The following KCNAB1 variants were observed in gnomAD, a reference collection of about 807,000 sequenced individuals.
The protein encoded by KCNAB1 is potassium voltage-gated channel subfamily A regulatory beta subunit 1.
Under a neutral mutation model 64.6 loss-of-function variants are expected in KCNAB1, and 35 were observed. That is an observed-to-expected ratio of 0.54 (90% confidence interval 0.41 to 0.72). KCNAB1 has a LOEUF of 0.72. Ranked by LOEUF, KCNAB1 falls within the 30% of genes least tolerant of loss-of-function variation. KCNAB1 has a pLI of 0.00. For synonymous variants in KCNAB1, 177 were observed against 183.8 expected, an observed-to-expected ratio of 0.96 and a Z score of 0.30; for missense variants, 401 against 512.9, an observed-to-expected ratio of 0.78 and a Z score of 2.11.
intron 1 of KCNAB1, among the ~76,000 whole-genome samples, chr3:156,387,664 T>C (rs1712716576): frequency 6.6e-6 from 1 of 152,150 alleles, no homozygotes; most frequent in East Asian, 1.9e-4. Flanking sequence ...CCAGTGTAAG[T>C]AGAAAAATAT....
chr3:156,247,414 A>G (rs1717523058), intron 1 of KCNAB1, among the ~76,000 whole-genome samples: 1 of 152,086 alleles, frequency 6.6e-6, no homozygotes, highest in South Asian at 2.1e-4. Flanking sequence ...CCCAACCAAT[A>G]TGTTCACTTG....
chr3:156,333,166 A>G (rs777805915), intron 1 of KCNAB1, among the ~76,000 whole-genome samples: 14 of 152,182 alleles, frequency 9.2e-5, no homozygotes, highest in Non-Finnish European at 1.5e-4. Flanking sequence ...ATGCACACAC[A>G]GTGGGACAAA....
intron 1 of KCNAB1, chr3:156,176,621 T>C (rs1173032512): frequency 1.1e-6 from 1 of 931,358 alleles, no homozygotes; most frequent in Non-Finnish European, 1.8e-6. Context: ...ACAGTCACCA[T>C]AGACATTCCA....
Position 156,423,701 on chromosome 3 carries a change from G to T in KCNAB1, c.319+2042G>T, listed in dbSNP as rs150176681. Among the ~76,000 whole-genome samples the T allele has an allele frequency of 6.2e-3, 951 of 152,174 alleles. 13 individuals are homozygous for T. The highest frequency in any genetic ancestry group is 0.022 in the African/African-American group (927 of 41,516). On this transcript the variant is annotated intron_variant, in intron 2 of 13. Coordinates refer to ENST00000490337, the MANE Select transcript of KCNAB1 (RefSeq NM_172160.3). ...GCTTTGCAAGTTCAGGTGGGTTTTT[G>T]TTTTTTTACATAAGATGATAAAAAG...
At chr3:156,221,545 A>C (rs901212050) in intron 1 of KCNAB1, among the ~76,000 whole-genome samples, 2 of 152,092 alleles carry the variant, frequency 1.3e-5, no homozygotes, top group Admixed American at 1.3e-4. Flanking sequence ...TTGAGGGCTG[A>C]GGCGGGTGGA....
At chr3:156,489,058 A>T (rs1382917837) in intron 8 of KCNAB1, among the ~76,000 whole-genome samples, 1 of 152,098 alleles carries the variant, frequency 6.6e-6, no homozygotes, top group African/African-American at 2.4e-5. Context: ...AGTCATCTTG[A>T]GTTTGAAATG....
chr3:156,517,501 T>A (rs935465349), intron 11 of KCNAB1, among the ~76,000 whole-genome samples: 3 of 152,158 alleles, frequency 2.0e-5, no homozygotes, highest in Non-Finnish European at 4.4e-5. Context: ...GAAACAAGTC[T>A]AAACAAGTCA....
rs886349474 is a variant in KCNAB1 at position 156,452,604 on chromosome 3, A to G, written c.320-295A>G. Among the ~76,000 whole-genome samples, 17 of 152,214 alleles carry G rather than the reference A, an allele frequency of 1.1e-4. No individual in the cohort carries two copies. The highest frequency in any genetic ancestry group is 9.8e-4 in the Admixed American group (15 of 15,282). On this transcript the variant is annotated intron_variant, in intron 2 of 13. Coordinates refer to ENST00000490337, the MANE Select transcript of KCNAB1 (RefSeq NM_172160.3). This position sits in a 1 kb window ranked among gnomAD's most constrained non-coding sequence, Gnocchi z 4.6. Reference sequence around the variant, plus strand: ...CTTGTACACTAGCATCCATGGTCCAATAGCAGAAGGGAAAGCATCTTCTAG... The same window carrying G: ...CTTGTACACTAGCATCCATGGTCCAGTAGCAGAAGGGAAAGCATCTTCTAG...
intron 1 of KCNAB1, among the ~76,000 whole-genome samples, chr3:156,284,197 C>G (rs1220135596): frequency 1.3e-5 from 2 of 152,142 alleles, no homozygotes; most frequent in African/African-American, 2.4e-5. Flanking sequence ...ACAGGACCCT[C>G]AGCTGCAGGT....
intron 1 of KCNAB1, among the ~76,000 whole-genome samples, chr3:156,144,777 A>G (rs1374871237): frequency 1.3e-5 from 2 of 152,200 alleles, no homozygotes; most frequent in South Asian, 2.1e-4. Flanking sequence ...TGTCTTTGTC[A>G]TAGGATGGGT....
chr3:156,162,330 A>T (rs1326357818), intron 1 of KCNAB1, among the ~76,000 whole-genome samples: 1 of 152,080 alleles, frequency 6.6e-6, no homozygotes, highest in Non-Finnish European at 1.5e-5. Context: ...TTTGTGCATT[A>T]TGTGAATCTG....
At chr3:156,372,521 G>T (rs189350796) in intron 1 of KCNAB1, among the ~76,000 whole-genome samples, 2 of 152,302 alleles carry the variant, frequency 1.3e-5, no homozygotes, top group African/African-American at 4.8e-5. Context: ...TGCTTTTCTA[G>T]CAAGCTCCCA....
intron 1 of KCNAB1, among the ~76,000 whole-genome samples, chr3:156,419,361 C>T (rs753994646): frequency 5.3e-5 from 8 of 151,770 alleles, no homozygotes; most frequent in Non-Finnish European, 8.8e-5. Context: ...ATTAGCCAGG[C>T]GTGGTGGGGG....
intron 2 of KCNAB1, among the ~76,000 whole-genome samples, chr3:156,431,289 T>A (rs1328397167): frequency 6.6e-6 from 1 of 152,232 alleles, no homozygotes; most frequent in Non-Finnish European, 1.5e-5. Flanking sequence ...GCATTCTACA[T>A]TTATATAAAG....
chr3:156,388,556 C>T (rs1024254313), intron 1 of KCNAB1, among the ~76,000 whole-genome samples: 52 of 152,200 alleles, frequency 3.4e-4, no homozygotes, highest in African/African-American at 1.2e-3. Context: ...GGTGTGAGCC[C>T]AACCAAGACT....
chr3:156,513,087 C>G (rs1272019125), intron 8 of KCNAB1, among the ~76,000 whole-genome samples: 1 of 152,168 alleles, frequency 6.6e-6, no homozygotes, highest in Non-Finnish European at 1.5e-5. Flanking sequence ...TGGCGGGCAC[C>G]TGTAGTCCCA....
At chr3:156,221,783 C>T (rs567398723) in intron 1 of KCNAB1, among the ~76,000 whole-genome samples, 2 of 139,798 alleles carry the variant, frequency 1.4e-5, no homozygotes, top group African/African-American at 5.2e-5. Context: ...CATCCCCCCC[C>T]GCCAAAAAAA....
intron 1 of KCNAB1, among the ~76,000 whole-genome samples, chr3:156,218,959 G>A (rs910536355): frequency 4.0e-5 from 6 of 151,818 alleles, no homozygotes; most frequent in African/African-American, 1.5e-4. Flanking sequence ...AACCTGAACA[G>A]CAGCCCTTGA....
At chr3:156,348,919 G>C (rs1000421693) in intron 1 of KCNAB1, among the ~76,000 whole-genome samples, 2 of 152,182 alleles carry the variant, frequency 1.3e-5, no homozygotes, top group African/African-American at 4.8e-5. Context: ...GACTAAGCCA[G>C]GCCACTGACT....
Sources: gnomAD v4.1 joint callset for allele counts (sites outside exome capture counted in the v4.1 genomes callset) on GRCh38, gnomAD v4.1.1 for gene constraint, Gnocchi (gnomAD v3.1) non-coding constraint, MANE v1.5 for transcripts, NCBI Gene and HGNC (gene_info 2026-07-23, HGNC 2026-07-21) for gene names.